Variants in KAZN observed in about 807,000 individuals in gnomAD.
KAZN encodes kazrin, periplakin interacting protein.
KAZN carries 40 observed loss-of-function variants against 87.4 expected under a neutral mutation model. The observed-to-expected ratio is 0.46, with a 90% confidence interval of 0.36 to 0.60. KAZN has a LOEUF of 0.60. Ranked by LOEUF, KAZN falls within the 20% of genes least tolerant of loss-of-function variation. The pLI is 0.00. For missense variants in KAZN, 898 were observed against 1,073.9 expected, an observed-to-expected ratio of 0.84 and a Z score of 2.29; for synonymous variants, 466 against 458.3, an observed-to-expected ratio of 1.02 and a Z score of -0.22.
intron 2 of KAZN, among the ~76,000 whole-genome samples, chr1:14,528,207 G>A (rs1036151246): frequency 3.3e-5 from 5 of 151,410 alleles, no homozygotes; most frequent in African/African-American, 4.9e-5. Context: ...GTGTGGTGGT[G>A]CACACGGGTA....
At chr1:14,589,440 A>G (rs1246947460) in intron 2 of KAZN, among the ~76,000 whole-genome samples, 2 of 152,216 alleles carry the variant, frequency 1.3e-5, no homozygotes, top group Non-Finnish European at 2.9e-5. Flanking sequence ...TGAACAAAAT[A>G]TCTCCCTTCC....
chr1:15,103,236 A>T, intron 11 of KAZN, 123 bp from the exon 12 acceptor site: 1 of 701,400 alleles, frequency 1.4e-6, no homozygotes, highest in East Asian at 2.7e-5. Flanking sequence ...CACTGCACTC[A>T]TGCCTGGGCA....
intron 1 of KAZN, among the ~76,000 whole-genome samples, chr1:14,629,877 A>G (rs1476233931): frequency 6.6e-6 from 1 of 152,178 alleles, no homozygotes; most frequent in African/African-American, 2.4e-5. Context: ...AAAACCCGGC[A>G]GCCTGCTGGT....
At chr1:14,793,455 C>T (rs1269989381) in intron 1 of KAZN, among the ~76,000 whole-genome samples, 1 of 152,164 alleles carries the variant, frequency 6.6e-6, no homozygotes, top group East Asian at 1.9e-4. Context: ...GGTTCAAACC[C>T]CAACTCTACT....
chr1:15,013,763 AAAAG>A (rs1669820145), intron 2 of KAZN, among the ~76,000 whole-genome samples: 4 of 151,152 alleles, frequency 2.6e-5, no homozygotes, highest in Admixed American at 2.0e-4. Flanking sequence ...CAAAAAAAAA[AAAAG>A]AGAGAGATGG....
At chr1:14,362,039 C>A (rs1364054292) in intron 2 of KAZN, among the ~76,000 whole-genome samples, 4 of 152,144 alleles carry the variant, frequency 2.6e-5, no homozygotes, top group Non-Finnish European at 5.9e-5. Flanking sequence ...AGAAACTGCC[C>A]AAAAGCCAGT....
At chr1:14,530,221 G>A (rs781099569) in intron 2 of KAZN, among the ~76,000 whole-genome samples, 8 of 152,134 alleles carry the variant, frequency 5.3e-5, no homozygotes, top group Non-Finnish European at 8.8e-5. Context: ...AAGAGAAAAC[G>A]GGAGCAGGAA....
At position 14,491,528 on chromosome 1, in the gene KAZN, G is replaced by A. The variant is rs140777933; in HGVS notation, c.250-107455G>A. On this transcript the variant is annotated intron_variant, in intron 2 of 16. Transcript: ENST00000636203. The stretch of plus-strand genomic sequence containing the variant: ...CCATGTTACTCTTTTGATATTACCA[G>A]GGACACTTGGATTTCTACTGATTTT... 3.2e-4 allele frequency among the ~76,000 whole-genome samples: 49 copies of A among 152,132 alleles called. No homozygotes were observed. In the East Asian group the frequency reaches 9.3e-3, roughly 29 times the overall value.
At chr1:14,887,313 T>C (rs569940830) in intron 1 of KAZN, among the ~76,000 whole-genome samples, 7 of 152,352 alleles carry the variant, frequency 4.6e-5, no homozygotes, top group South Asian at 2.1e-4. Context: ...AGCTGTGCAG[T>C]AGCATTGCCG....
intron 1 of KAZN, among the ~76,000 whole-genome samples, chr1:14,848,812 C>T (rs537101958): frequency 6.6e-6 from 1 of 152,372 alleles, no homozygotes; most frequent in African/African-American, 2.4e-5. Flanking sequence ...CATCCTCTTC[C>T]TCGGGCTGCA....
rs547207445 is a variant in KAZN at position 14,599,767 on chromosome 1, A to G, written c.226+544A>G. On this transcript the variant is annotated intron_variant, in intron 1 of 14. Coordinates refer to ENST00000376030, the MANE Select transcript of KAZN (RefSeq NM_201628.3). The surrounding 1 kb of genome is among the most constrained non-coding windows in gnomAD (Gnocchi z 4.4). ...TCATTTGAGGTCTCTCAGGCATTGG[A>G]ATCTATAGATGCAACAGTAGATGCT... is the stretch of plus-strand genomic sequence containing the variant. Among the ~76,000 whole-genome samples the G allele has an allele frequency of 6.6e-6, 1 of 152,296 alleles. No homozygotes were observed. The highest frequency in any genetic ancestry group is 2.4e-5 in the African/African-American group (1 of 41,572).
intron 1 of KAZN, among the ~76,000 whole-genome samples, chr1:14,910,061 T>TAATGAATGAATG (rs113826124): frequency 0.086 from 12,729 of 147,264 alleles, 779 homozygotes; most frequent in Middle Eastern, 0.15. Context: ...AATAAATAAA[T>TAATGAATGAATG]AATGAATGAA....
At chr1:15,018,243 A>G (rs561886073) in intron 2 of KAZN, among the ~76,000 whole-genome samples, 49 of 152,272 alleles carry the variant, frequency 3.2e-4, no homozygotes, top group Non-Finnish European at 6.6e-4. Context: ...ATCTAATTAC[A>G]CTCATTAACA....
intron 2 of KAZN, among the ~76,000 whole-genome samples, chr1:14,240,942 A>G (rs576609501): frequency 6.6e-6 from 1 of 152,376 alleles, no homozygotes; most frequent in East Asian, 1.9e-4. Flanking sequence ...TGTGACCTTC[A>G]GCAAGATTGT....
chr1:14,537,891 T>C (rs1672594050), intron 2 of KAZN, among the ~76,000 whole-genome samples: 1 of 152,086 alleles, frequency 6.6e-6, no homozygotes, highest in African/African-American at 2.4e-5. Context: ...CCTTTTTTGG[T>C]TGAAAGTAAT....
At chr1:14,533,059 GA>G (rs1672300121) in intron 2 of KAZN, among the ~76,000 whole-genome samples, 1 of 152,126 alleles carries the variant, frequency 6.6e-6, no homozygotes, top group East Asian at 1.9e-4. Flanking sequence ...GACTTCCACA[GA>G]AAAACATGTG....
chr1:15,000,382 A>G (rs1184267101), intron 2 of KAZN, among the ~76,000 whole-genome samples: 1 of 151,866 alleles, frequency 6.6e-6, no homozygotes, highest in African/African-American at 2.4e-5. Flanking sequence ...AAAATAATAC[A>G]TCAGTGTTGT....
chr1:14,193,099 G>A lies in KAZN; in HGVS notation c.249+12507G>A, dbSNP rs142374230. The stretch of plus-strand genomic sequence containing the variant: ...AAAAGATCTGATGGTTTTATAAGGC[G>A]TTCTTCCCCCTGTACTTCTCCTTCC... On this transcript the variant is annotated intron_variant, in intron 2 of 16. Transcript: ENST00000636203. 4.9e-3 allele frequency among the ~76,000 whole-genome samples: 750 copies of A among 152,212 alleles called. 7 individuals are homozygous for A. The highest frequency in any genetic ancestry group is 0.02 in the East Asian group (104 of 5,154).
At chr1:14,019,930 T>C (rs1229102838) in intron 1 of KAZN, among the ~76,000 whole-genome samples, 1 of 152,140 alleles carries the variant, frequency 6.6e-6, no homozygotes, top group Non-Finnish European at 1.5e-5. Flanking sequence ...TTTATTTCTA[T>C]TATTGTTACA....
Sources: allele counts gnomAD v4.1 joint callset (sites outside exome capture counted in the v4.1 genomes callset), GRCh38; gene constraint gnomAD v4.1.1; non-coding constraint Gnocchi (gnomAD v3.1); transcripts MANE v1.5; gene names NCBI Gene and HGNC (gene_info 2026-07-23, HGNC 2026-07-21).